The following KAZN variants were observed in gnomAD, a reference collection of about 807,000 sequenced individuals.
The protein encoded by KAZN is kazrin.
A neutral mutation model predicts 87.4 loss-of-function variants in KAZN; 40 were observed. The observed-to-expected ratio is 0.46, with a 90% CI of 0.36 to 0.60. KAZN has a LOEUF of 0.60. Ranked by LOEUF, KAZN falls within the 20% of genes least tolerant of loss-of-function variation. The pLI is 0.00. For missense variants in KAZN, 898 were observed against 1,073.9 expected, an observed-to-expected ratio of 0.84 and a Z score of 2.29; for synonymous variants, 466 against 458.3, an observed-to-expected ratio of 1.02 and a Z score of -0.22.
chr1:14,143,716 C>CT (rs563120426), intron 1 of KAZN, among the ~76,000 whole-genome samples: 48 of 149,050 alleles, frequency 3.2e-4, no homozygotes, highest in Admixed American at 8.7e-4. Context: ...GTTTGCTCTG[C>CT]TTTTTTTTTT....
At chr1:13,935,862 ATG>A (rs143281844) in intron 1 of KAZN, among the ~76,000 whole-genome samples, 3,991 of 124,134 alleles carry the variant, frequency 0.032, 155 homozygotes, top group African/African-American at 0.095. Flanking sequence ...TTACATCCTA[ATG>A]TGTGTGTGTG....
chr1:14,261,937 G>T (rs146036730), intron 2 of KAZN, among the ~76,000 whole-genome samples: 45 of 152,292 alleles, frequency 3.0e-4, no homozygotes, highest in African/African-American at 1.1e-3. Flanking sequence ...GTCCCCAAAT[G>T]GTGGTGGACA....
intron 1 of KAZN, among the ~76,000 whole-genome samples, chr1:14,940,188 G>A (rs1660893990): frequency 6.6e-6 from 1 of 152,164 alleles, no homozygotes; most frequent in Admixed American, 6.5e-5. Flanking sequence ...TAGCTGTGGT[G>A]GGAGGAATTT....
chr1:14,527,916 C>T (rs1284746571), intron 2 of KAZN, among the ~76,000 whole-genome samples: 1 of 152,128 alleles, frequency 6.6e-6, no homozygotes, highest in African/African-American at 2.4e-5. Flanking sequence ...TTGGAGAGGA[C>T]ACATATCCAA....
At chr1:15,050,820 C>CA (rs5772615) in intron 4 of KAZN, among the ~76,000 whole-genome samples, 42,366 of 152,058 alleles carry the variant, frequency 0.28, 7,649 homozygotes, top group East Asian at 0.71. Flanking sequence ...CCTCCACAGC[C>CA]GAGCCTGCAT....
At chr1:14,352,936 T>C (rs895660842) in intron 2 of KAZN, among the ~76,000 whole-genome samples, 9 of 152,254 alleles carry the variant, frequency 5.9e-5, no homozygotes, top group Non-Finnish European at 1.3e-4. Flanking sequence ...ATCATTTTAC[T>C]AGATGAAGAA....
At chr1:14,141,175 C>A (rs1017147720) in intron 1 of KAZN, among the ~76,000 whole-genome samples, 3 of 148,584 alleles carry the variant, frequency 2.0e-5, no homozygotes, top group Non-Finnish European at 4.4e-5. Flanking sequence ...AATGGGAAAA[C>A]CTGGAAATTG....
At chr1:14,755,185 G>C (rs1167606386) in intron 1 of KAZN, among the ~76,000 whole-genome samples, 1 of 151,882 alleles carries the variant, frequency 6.6e-6, no homozygotes, top group Non-Finnish European at 1.5e-5. Context: ...CCCAGGAGAC[G>C]GAGGTTGCAG....
chr1:14,151,044 G>A (rs955856950), intron 1 of KAZN, among the ~76,000 whole-genome samples: 1 of 152,140 alleles, frequency 6.6e-6, no homozygotes, highest in African/African-American at 2.4e-5. Context: ...TATGTGAACA[G>A]TGTAGTCTCC....
At position 14,850,950 on chromosome 1, in the gene KAZN, C is replaced by T. The variant is rs145059243; in HGVS notation, c.227-109734C>T. Among the ~76,000 whole-genome samples, 819 of 152,320 alleles carry T rather than the reference C, an allele frequency of 5.4e-3. 19 individuals are homozygous for T. Among genetic ancestry groups the T allele is most frequent in the Admixed American group, 0.035 (532 of 15,296 alleles). On this transcript the variant is annotated intron_variant, in intron 1 of 14. Coordinates refer to ENST00000376030, the MANE Select transcript of KAZN (RefSeq NM_201628.3). ...GGGTGTGGTTCCGAGGGCCTGCTCACAGTACCTGAGAGACAGCACGCAGTC... is the reference window on the plus strand; with the variant it reads ...GGGTGTGGTTCCGAGGGCCTGCTCATAGTACCTGAGAGACAGCACGCAGTC...
intron 1 of KAZN, among the ~76,000 whole-genome samples, chr1:14,616,373 T>G (rs1678241561): frequency 6.6e-6 from 1 of 151,946 alleles, no homozygotes; most frequent in African/African-American, 2.4e-5. Context: ...CTCAAATAAC[T>G]TAAATTCTGA....
intron 1 of KAZN, among the ~76,000 whole-genome samples, chr1:14,080,707 AG>A (rs150271787): frequency 1.7e-3 from 252 of 152,328 alleles, no homozygotes; most frequent in African/African-American, 5.7e-3. Context: ...TTTCTGTAAA[AG>A]CTTCGGTAGC....
chr1:14,706,125 G>T (rs1467001552), intron 1 of KAZN, among the ~76,000 whole-genome samples: 1 of 152,122 alleles, frequency 6.6e-6, no homozygotes, highest in Non-Finnish European at 1.5e-5. Context: ...CTCCTTAGGA[G>T]AATTGAGAAT....
At chr1:14,203,277 C>G (rs574416602) in intron 2 of KAZN, among the ~76,000 whole-genome samples, 2 of 152,076 alleles carry the variant, frequency 1.3e-5, no homozygotes, top group South Asian at 4.2e-4. Context: ...AGTAGGGGAT[C>G]AATAAATACT....
intron 1 of KAZN, among the ~76,000 whole-genome samples, chr1:14,764,829 G>A (rs1557466245): frequency 6.6e-6 from 1 of 152,166 alleles, no homozygotes; most frequent in African/African-American, 2.4e-5. Flanking sequence ...TCCTATGCCA[G>A]TAAAACTGTG....
intron 2 of KAZN, among the ~76,000 whole-genome samples, chr1:14,262,776 A>C (rs1651178979): frequency 6.6e-6 from 1 of 152,226 alleles, no homozygotes; most frequent in Admixed American, 6.5e-5. Context: ...AGTTTGTACA[A>C]GTCGTAAATC....
At chr1:13,939,662 T>C (rs1485752380) in intron 1 of KAZN, among the ~76,000 whole-genome samples, 1 of 152,228 alleles carries the variant, frequency 6.6e-6, no homozygotes, top group East Asian at 1.9e-4. Context: ...ACTCCTGTTT[T>C]AGGCTATTCT....
At chr1:13,972,340 C>T (rs1433890290) in intron 1 of KAZN, among the ~76,000 whole-genome samples, 1 of 146,938 alleles carries the variant, frequency 6.8e-6, no homozygotes, top group African/African-American at 2.5e-5. Flanking sequence ...GTGGCGCTAT[C>T]TTGGCTCATT....
At chr1:14,669,880 A>G (rs1286105239) in intron 1 of KAZN, among the ~76,000 whole-genome samples, 1 of 149,300 alleles carries the variant, frequency 6.7e-6, no homozygotes, top group African/African-American at 2.5e-5. Context: ...ATGAGAATTA[A>G]TGAACAACTG....
Sources: allele counts gnomAD v4.1 joint callset (sites outside exome capture counted in the v4.1 genomes callset), GRCh38; gene constraint gnomAD v4.1.1; transcripts MANE v1.5; gene names NCBI Gene and HGNC (gene_info 2026-07-23, HGNC 2026-07-21).